The following CAMKMT variants were observed in gnomAD, a reference collection of about 807,000 sequenced individuals.
The protein encoded by CAMKMT is calmodulin-lysine N-methyltransferase.
CAMKMT carries 53 observed loss-of-function variants against 48.0 expected under a neutral mutation model. The ratio of observed to expected loss-of-function variants is 1.10; its 90% confidence interval spans 0.89 to 1.39. The LOEUF is 1.39. Among genes scored for constraint, CAMKMT ranks in the 40% most tolerant of loss-of-function variants. The pLI is 0.00. For missense variants in CAMKMT, 428 were observed against 402.7 expected, an observed-to-expected ratio of 1.06 and a Z score of -0.54; for synonymous variants, 165 against 152.3, an observed-to-expected ratio of 1.08 and a Z score of -0.61.
At chr2:44,732,938 A>G (rs1384188616) in intron 7 of CAMKMT, among the ~76,000 whole-genome samples, 1 of 152,142 alleles carries the variant, frequency 6.6e-6, no homozygotes, top group South Asian at 2.1e-4. Context: ...ATAAAGTCTG[A>G]TTTACCAATT....
chr2:44,553,374 T>G (rs2103660038), intron 3 of CAMKMT, among the ~76,000 whole-genome samples: 1 of 152,180 alleles, frequency 6.6e-6, no homozygotes, highest in South Asian at 2.1e-4. Flanking sequence ...CTTTTTTTTT[T>G]TTTTTTGGGA....
intron 3 of CAMKMT, among the ~76,000 whole-genome samples, chr2:44,431,552 C>G (rs1485199498): frequency 2.0e-5 from 3 of 152,098 alleles, no homozygotes; most frequent in African/African-American, 7.2e-5. Flanking sequence ...AATAGACTTT[C>G]TAAATCTTGC....
intron 7 of CAMKMT, among the ~76,000 whole-genome samples, chr2:44,728,833 TC>T (rs1283322698): frequency 2.0e-5 from 3 of 147,604 alleles, no homozygotes; most frequent in Admixed American, 6.8e-5. Context: ...AGCTAGGGGG[TC>T]TATCCTTTTT....
intron 3 of CAMKMT, among the ~76,000 whole-genome samples, chr2:44,412,228 G>A (rs777801758): frequency 6.6e-5 from 10 of 152,032 alleles, no homozygotes; most frequent in Non-Finnish European, 1.3e-4. Context: ...TGCGATGCCT[G>A]TTCTACTCCC....
At chr2:44,395,210 A>G (rs1481593029) in intron 3 of CAMKMT, among the ~76,000 whole-genome samples, 1 of 152,156 alleles carries the variant, frequency 6.6e-6, no homozygotes, top group Non-Finnish European at 1.5e-5. Flanking sequence ...GTCAGCTTGG[A>G]TTTTAAAATG....
intron 3 of CAMKMT, among the ~76,000 whole-genome samples, chr2:44,566,853 A>G (rs1025155289): frequency 4.6e-5 from 7 of 152,218 alleles, no homozygotes; most frequent in African/African-American, 1.7e-4. Flanking sequence ...TTCAGTTGAC[A>G]CAGTCTCTTA....
chr2:44,704,428 A>G, intron 4 of CAMKMT, 85 bp downstream of exon 4: 1 of 890,366 alleles, frequency 1.1e-6, no homozygotes, highest in South Asian at 2.2e-5. Context: ...ATATTCTTCA[A>G]ATTAAATTGT....
chr2:44,724,113 A>G (rs1362934614), intron 7 of CAMKMT, among the ~76,000 whole-genome samples: 1 of 152,092 alleles, frequency 6.6e-6, no homozygotes, highest in Non-Finnish European at 1.5e-5. Flanking sequence ...CCTGTGGCTA[A>G]AGAATGTTCT....
chr2:44,706,255 A>G (rs2104275713), intron 4 of CAMKMT, 32 bp from the exon 5 acceptor site: 1 of 1,610,060 alleles, frequency 6.2e-7, no homozygotes, highest in South Asian at 1.1e-5. Flanking sequence ...TCTAATTTGT[A>G]TGGGTTCTAC....
At chr2:44,533,549 T>TA (rs2104832974) in intron 3 of CAMKMT, among the ~76,000 whole-genome samples, 1 of 152,314 alleles carries the variant, frequency 6.6e-6, no homozygotes, top group Admixed American at 6.5e-5. Flanking sequence ...AAGAATATTA[T>TA]ATCTGGCAAA....
intron 3 of CAMKMT, among the ~76,000 whole-genome samples, chr2:44,438,687 GTT>G (rs1157553992): frequency 3.9e-5 from 6 of 152,160 alleles, no homozygotes; most frequent in Admixed American, 6.5e-5. Flanking sequence ...TCAGGTGTGT[GTT>G]TTTTGTTTGT....
At chr2:44,412,882 C>G (rs1022617432) in intron 3 of CAMKMT, among the ~76,000 whole-genome samples, 1 of 151,394 alleles carries the variant, frequency 6.6e-6, no homozygotes, top group East Asian at 2.0e-4. Flanking sequence ...TTGAGACCAG[C>G]TTGACCAACA....
chr2:44,433,919 C>T (rs1364232444), intron 3 of CAMKMT, among the ~76,000 whole-genome samples: 2 of 152,080 alleles, frequency 1.3e-5, no homozygotes, highest in Non-Finnish European at 2.9e-5. Context: ...GGTGGTGTGT[C>T]TGTGTGCCGT....
At chr2:44,723,974 T>C (rs1200308600) in intron 7 of CAMKMT, among the ~76,000 whole-genome samples, 1 of 152,230 alleles carries the variant, frequency 6.6e-6, no homozygotes, top group African/African-American at 2.4e-5. Flanking sequence ...AATCCTGTTT[T>C]GGTTAATCTG....
chr2:44,723,717 C>G (rs1341622937), intron 7 of CAMKMT: 1 of 152,014 alleles, frequency 6.6e-6, no homozygotes, highest in Non-Finnish European at 1.5e-5. Context: ...TATTTTCTTG[C>G]TTATTTCGTA....
intron 7 of CAMKMT, among the ~76,000 whole-genome samples, chr2:44,722,139 G>A (rs1467711055): frequency 6.7e-6 from 1 of 149,950 alleles, no homozygotes; most frequent in Non-Finnish European, 1.5e-5. Flanking sequence ...CCACTCATCA[G>A]CTGATGGACA....
intron 1 of CAMKMT, among the ~76,000 whole-genome samples, chr2:44,364,903 C>T (rs1465535875): frequency 6.6e-6 from 1 of 152,112 alleles, no homozygotes; most frequent in Non-Finnish European, 1.5e-5. Context: ...AACCCCTGCT[C>T]ACATCATGTG....
At chr2:44,455,279 G>A (rs1667503599) in intron 3 of CAMKMT, among the ~76,000 whole-genome samples, 1 of 151,370 alleles carries the variant, frequency 6.6e-6, no homozygotes, top group African/African-American at 2.4e-5. Flanking sequence ...CTCTGAAGAT[G>A]GGCAGGATGA....
chr2:44,762,401 G>A (rs1680654094), intron 9 of CAMKMT, among the ~76,000 whole-genome samples: 1 of 152,202 alleles, frequency 6.6e-6, no homozygotes, highest in Non-Finnish European at 1.5e-5. Context: ...TTGCTAGGAA[G>A]TGAAAAAGGA....
Sources: gnomAD v4.1 joint callset for allele counts (sites outside exome capture counted in the v4.1 genomes callset) on GRCh38, gnomAD v4.1.1 for gene constraint, MANE v1.5 for transcripts, NCBI Gene and HGNC (gene_info 2026-07-23, HGNC 2026-07-21) for gene names.